Variants in SMAP1 observed in about 807,000 individuals in gnomAD.
SMAP1 encodes stromal membrane-associated protein 1.
Under a neutral mutation model 58.5 loss-of-function variants are expected in SMAP1, and 24 were observed. The observed-to-expected ratio is 0.41, with a 90% CI of 0.30 to 0.58. The LOEUF is 0.58. Among genes scored for constraint, SMAP1 ranks in the 20% least tolerant of loss-of-function variants. The probability of loss-of-function intolerance (pLI) is 0.29; values close to 1 mark genes in which losing one functional copy is unlikely to be tolerated. For synonymous variants in SMAP1, 216 were observed against 196.6 expected, an observed-to-expected ratio of 1.10 and a Z score of -0.82; for missense variants, 563 against 566.3, an observed-to-expected ratio of 0.99 and a Z score of 0.06.
chr6:70,817,087 A>G (rs991409220), intron 6 of SMAP1, among the ~76,000 whole-genome samples: 2 of 150,920 alleles, frequency 1.3e-5, no homozygotes, highest in Admixed American at 6.6e-5. Context: ...CAGAAGCAGT[A>G]GCTCTCCAAC....
At chr6:70,799,314 G>A (rs181222185) in intron 6 of SMAP1, among the ~76,000 whole-genome samples, 88 of 152,248 alleles carry the variant, frequency 5.8e-4, no homozygotes, top group Non-Finnish European at 1.0e-3. Context: ...TTCTTTTGGG[G>A]GGAGGAAAGG....
chr6:70,710,869 C>T (rs1418246221), intron 1 of SMAP1, among the ~76,000 whole-genome samples: 1 of 151,830 alleles, frequency 6.6e-6, no homozygotes, highest in African/African-American at 2.4e-5. Context: ...TGCTTTTTTA[C>T]TTTTTAAGCT....
At chr6:70,819,108 A>T (rs970359558) in intron 6 of SMAP1, among the ~76,000 whole-genome samples, 2 of 152,112 alleles carry the variant, frequency 1.3e-5, no homozygotes, top group African/African-American at 4.8e-5. Context: ...TTATGTAAAC[A>T]TTATTCAAGA....
chr6:70,805,307 GTGCA>G (rs1240646926), intron 6 of SMAP1, among the ~76,000 whole-genome samples: 3 of 152,170 alleles, frequency 2.0e-5, no homozygotes, highest in African/African-American at 7.2e-5. Flanking sequence ...ATTGAAGCTT[GTGCA>G]TGCGTCACAA....
At chr6:70,732,291 T>C (rs1765461651) in intron 1 of SMAP1, 87 bp from the exon 2 acceptor site, 3 of 1,393,106 alleles carry the variant, frequency 2.2e-6, no homozygotes, top group Non-Finnish European at 2.9e-6. Flanking sequence ...TATAATTATA[T>C]AAAACCGAGA....
chr6:70,758,224 C>G (rs962898301), intron 3 of SMAP1, among the ~76,000 whole-genome samples: 2 of 151,656 alleles, frequency 1.3e-5, no homozygotes, highest in African/African-American at 4.8e-5. Flanking sequence ...TTTGTAGGGA[C>G]ATGGATGAAA....
chr6:70,807,384 G>T lies in SMAP1; in HGVS notation c.576+8647G>T, dbSNP rs144131998. Among the ~76,000 whole-genome samples the T allele has an allele frequency of 1.6e-4, 24 of 152,282 alleles. No individual in the cohort carries two copies. In the East Asian group the frequency reaches 4.4e-3, roughly 28 times the overall value. ...GGCAGATGCCTTTGATATTTAAATAGATATCTCTCTTTTATGCTTAAGATA... is the reference window on the plus strand; with the variant it reads ...GGCAGATGCCTTTGATATTTAAATATATATCTCTCTTTTATGCTTAAGATA... On this transcript the variant is annotated intron_variant, in intron 6 of 10. Coordinates refer to ENST00000370455, the MANE Select transcript of SMAP1 (RefSeq NM_001044305.3).
chr6:70,676,848 T>G (rs1766500601), intron 1 of SMAP1, among the ~76,000 whole-genome samples: 1 of 152,162 alleles, frequency 6.6e-6, no homozygotes, highest in Non-Finnish European at 1.5e-5. Context: ...AGTGGCGTGA[T>G]CATAGCCCAT....
intron 8 of SMAP1, among the ~76,000 whole-genome samples, chr6:70,856,238 T>C (rs1771416510): frequency 6.6e-6 from 1 of 152,220 alleles, no homozygotes; most frequent in South Asian, 2.1e-4. Flanking sequence ...ATATTAAATA[T>C]CTACATGTTT....
intron 3 of SMAP1, among the ~76,000 whole-genome samples, chr6:70,759,269 C>CT (rs1343944214): frequency 6.6e-6 from 1 of 151,942 alleles, no homozygotes; most frequent in Non-Finnish European, 1.5e-5. Flanking sequence ...TTTATTCCCT[C>CT]TTTTTTTGCC....
At chr6:70,683,128 T>C (rs547338847) in intron 1 of SMAP1, among the ~76,000 whole-genome samples, 4 of 151,970 alleles carry the variant, frequency 2.6e-5, no homozygotes, top group Admixed American at 2.0e-4. Flanking sequence ...GAAAATGTTA[T>C]ACTATTTTGC....
chr6:70,711,785 C>T (rs1222036978), intron 1 of SMAP1, among the ~76,000 whole-genome samples: 2 of 152,112 alleles, frequency 1.3e-5, no homozygotes, highest in African/African-American at 4.8e-5. Context: ...GCCTCGTCCT[C>T]TCAAAATGCT....
intron 7 of SMAP1, among the ~76,000 whole-genome samples, chr6:70,850,847 T>C (rs2150008465): frequency 6.6e-6 from 1 of 152,178 alleles, no homozygotes; most frequent in South Asian, 2.1e-4. Flanking sequence ...ATCATGTAAA[T>C]GGGGTATGGA....
intron 7 of SMAP1, 47 bp downstream of exon 7, chr6:70,837,075 G>A (rs1474006887): frequency 7.2e-7 from 1 of 1,387,484 alleles, no homozygotes; most frequent in Non-Finnish European, 9.7e-7. Context: ...CAAAACAATT[G>A]AAACCTTTAC....
rs369155545 is a variant in SMAP1 at position 70,668,003 on chromosome 6, G to T, written c.-21G>T. The T allele has an allele frequency of 3.8e-6, 6 of 1,567,126 alleles. No individual in the cohort carries two copies. In the African/African-American group the frequency reaches 7.0e-5, roughly 18 times the overall value. On this transcript the variant is annotated 5_prime_UTR_variant, in exon 1 of 11. Coordinates refer to ENST00000370455, the MANE Select transcript of SMAP1 (RefSeq NM_001044305.3). The stretch of plus-strand genomic sequence containing the variant: ...TCCGCCGCCGCCGTAGCTGCCCCAG[G>T]CTCCCCGCCCCGCTGCCGAGATGGC...
intron 1 of SMAP1, among the ~76,000 whole-genome samples, chr6:70,674,502 A>G (rs1766396985): frequency 6.6e-6 from 1 of 152,180 alleles, no homozygotes; most frequent in African/African-American, 2.4e-5. Flanking sequence ...TTTCTCAATG[A>G]AAGAAGATCA....
chr6:70,778,128 G>A (rs1767619587), intron 4 of SMAP1, among the ~76,000 whole-genome samples: 1 of 152,102 alleles, frequency 6.6e-6, no homozygotes, highest in Admixed American at 6.5e-5. Flanking sequence ...GGAGACATGA[G>A]ATGTTTTAAT....
At chr6:70,692,952 T>G (rs557004754) in intron 1 of SMAP1, among the ~76,000 whole-genome samples, 1 of 151,976 alleles carries the variant, frequency 6.6e-6, no homozygotes, top group South Asian at 2.1e-4. Flanking sequence ...CCCGGCTAAT[T>G]TTTTGTATTT....
At chr6:70,857,234 T>C (rs1223083073) in intron 9 of SMAP1, 1 of 427,616 alleles carries the variant, frequency 2.3e-6, no homozygotes, top group Non-Finnish European at 4.1e-6. Context: ...GAACTTTATT[T>C]GGAATTAACA....
Sources: allele counts gnomAD v4.1 joint callset (sites outside exome capture counted in the v4.1 genomes callset), GRCh38; gene constraint gnomAD v4.1.1; transcripts MANE v1.5; gene names NCBI Gene and HGNC (gene_info 2026-07-23, HGNC 2026-07-21).